DISP1: variants seen among roughly 807,000 people sequenced by gnomAD.
DISP1 encodes the protein dispatched RND transporter family member 1.
A neutral mutation model predicts 37.3 loss-of-function variants in DISP1; 30 were observed. The observed-to-expected ratio is 0.80, with a 90% CI of 0.60 to 1.09. The LOEUF is 1.09. DISP1 is among the 50% of genes least tolerant of loss of function. The pLI is 0.00. For missense variants in DISP1, 1,598 were observed against 1,879.5 expected (o/e 0.85, Z 2.77); for synonymous variants, 634 against 690.2 (o/e 0.92, Z 1.28).
intron 1 of DISP1, among the ~76,000 whole-genome samples, chr1:222,856,369 G>A (rs1668546320): frequency 1.3e-5 from 2 of 152,212 alleles, no homozygotes; most frequent in Admixed American, 6.5e-5. Context: ...CGAACTTGAA[G>A]GCAGTGTTTG....
At chr1:222,987,319 T>C (rs1419524409) in intron 4 of DISP1, among the ~76,000 whole-genome samples, 1 of 152,146 alleles carries the variant, frequency 6.6e-6, no homozygotes, top group African/African-American at 2.4e-5. Flanking sequence ...TTGAGTAAAA[T>C]TTACTTAGAA....
At chr1:222,917,999 T>G (rs552876034) in intron 1 of DISP1, among the ~76,000 whole-genome samples, 1 of 152,328 alleles carries the variant, frequency 6.6e-6, no homozygotes, top group African/African-American at 2.4e-5. Context: ...ACGGTTCCCC[T>G]CTCAACAGAA....
intron 2 of DISP1, among the ~76,000 whole-genome samples, chr1:222,931,054 G>C (rs950116804): frequency 1.3e-5 from 2 of 151,974 alleles, no homozygotes; most frequent in African/African-American, 4.8e-5. Flanking sequence ...CAAAACAGCA[G>C]GGAGTGGGGC....
chr1:222,953,223 A>G lies in DISP1; in HGVS notation c.509+9891A>G, dbSNP rs908248510. Among the ~76,000 whole-genome samples the G allele has an allele frequency of 2.6e-5, 4 of 152,110 alleles. No homozygotes were observed. The South Asian group carries it at 6.2e-4, about 24-fold the overall frequency. On this transcript the variant is annotated intron_variant, in intron 3 of 8. Transcript: ENST00000675850. ...CTGTAAAATGGGAGTAACAGTAGCT[A>G]TTTTGCACTTAACACAGTGCCTGTT...
intron 1 of DISP1, among the ~76,000 whole-genome samples, chr1:222,914,004 T>TG (rs1213778925): frequency 1.4e-5 from 2 of 145,326 alleles, no homozygotes; most frequent in South Asian, 2.1e-4. Flanking sequence ...TTTTGGTTGT[T>TG]TTTTTTTTTT....
At chr1:222,842,065 C>A (rs1667641588) in intron 1 of DISP1, among the ~76,000 whole-genome samples, 1 of 152,040 alleles carries the variant, frequency 6.6e-6, no homozygotes, top group African/African-American at 2.4e-5. Context: ...GTTTCTGTTC[C>A]TTACCTTGTT....
intron 1 of DISP1, among the ~76,000 whole-genome samples, chr1:222,852,571 A>C (rs1668329330): frequency 6.6e-6 from 1 of 152,214 alleles, no homozygotes; most frequent in Non-Finnish European, 1.5e-5. Context: ...TGAAAAATGT[A>C]GAACTCCTCT....
intron 1 of DISP1, among the ~76,000 whole-genome samples, chr1:222,820,481 A>G (rs1226528764): frequency 6.6e-6 from 1 of 152,216 alleles, no homozygotes; most frequent in African/African-American, 2.4e-5. Context: ...TTAAAGATAG[A>G]AAAGCATGGT....
intron 1 of DISP1, among the ~76,000 whole-genome samples, chr1:222,880,066 T>C (rs1670193612): frequency 1.3e-5 from 2 of 152,080 alleles, no homozygotes; most frequent in Admixed American, 1.3e-4. Flanking sequence ...CTTTTTATAA[T>C]AACAAAAATC....
intron 3 of DISP1, among the ~76,000 whole-genome samples, chr1:222,955,096 T>C (rs1675500393): frequency 6.6e-6 from 1 of 151,566 alleles, no homozygotes; most frequent in South Asian, 2.1e-4. Flanking sequence ...TTTAAAGCTT[T>C]TTTTTTTTTG....
chr1:222,934,853 A>G (rs1160514175), intron 2 of DISP1, among the ~76,000 whole-genome samples: 1 of 152,180 alleles, frequency 6.6e-6, no homozygotes, highest in African/African-American at 2.4e-5. Context: ...ACAGTTTGGG[A>G]GTCATGATAC....
At chr1:222,864,089 A>G (rs1300160506) in intron 1 of DISP1, among the ~76,000 whole-genome samples, 1 of 152,182 alleles carries the variant, frequency 6.6e-6, no homozygotes, top group African/African-American at 2.4e-5. Flanking sequence ...ATGTATGTAT[A>G]TGTAAATTAA....
intron 1 of DISP1, among the ~76,000 whole-genome samples, chr1:222,917,552 A>G (rs887750149): frequency 2.0e-5 from 3 of 152,120 alleles, no homozygotes; most frequent in Non-Finnish European, 2.9e-5. Context: ...GAATTTGGCT[A>G]TTTCTTTTCT....
At chr1:222,909,567 G>A (rs1672097080) in intron 1 of DISP1, among the ~76,000 whole-genome samples, 2 of 152,192 alleles carry the variant, frequency 1.3e-5, no homozygotes, top group Non-Finnish European at 2.9e-5. Flanking sequence ...GAGCACTCCA[G>A]TGTCAAGGAG....
At chr1:222,854,300 C>A (rs908133184) in intron 1 of DISP1, among the ~76,000 whole-genome samples, 1 of 152,186 alleles carries the variant, frequency 6.6e-6, no homozygotes, top group African/African-American at 2.4e-5. Context: ...CCTCACAGTT[C>A]TGCATGGCTG....
At position 222,950,586 on chromosome 1, in the gene DISP1, C is replaced by T. The variant is rs939643845; in HGVS notation, c.509+7254C>T. ...CTGCACTCCGGCCTCGAGGACAGAG[C>T]GAGACTCCGTCTCAAAAAAAAAAAA... On this transcript the variant is annotated intron_variant, in intron 3 of 8. Coordinates refer to ENST00000675850, the MANE Select transcript of DISP1 (RefSeq NM_001377229.1). Among the ~76,000 whole-genome samples the T allele has an allele frequency of 1.1e-4, 16 of 150,472 alleles. No homozygotes were observed. The South Asian group carries it at 2.4e-3, about 22-fold the overall frequency.
At chr1:222,836,869 G>A in intron 1 of DISP1, 2 of 377,526 alleles carry the variant, frequency 5.3e-6, no homozygotes, top group Non-Finnish European at 9.4e-6. Flanking sequence ...ATCATTGCTG[G>A]CTATGTGGCC....
intron 2 of DISP1, among the ~76,000 whole-genome samples, chr1:222,933,223 C>G (rs1288240096): frequency 6.6e-6 from 1 of 151,828 alleles, no homozygotes; most frequent in East Asian, 1.9e-4. Context: ...TATCTGGAAA[C>G]TTTAATTTTT....
chr1:222,991,034 A>G (rs1678663658), intron 5 of DISP1, among the ~76,000 whole-genome samples: 1 of 152,212 alleles, frequency 6.6e-6, no homozygotes, highest in Non-Finnish European at 1.5e-5. Context: ...TTATTCTCAT[A>G]AAGTCTTTAA....
Sources: gnomAD v4.1 joint callset for allele counts (sites outside exome capture counted in the v4.1 genomes callset) on GRCh38, gnomAD v4.1.1 for gene constraint, MANE v1.5 for transcripts, NCBI Gene and HGNC (gene_info 2026-07-23, HGNC 2026-07-21) for gene names.